Variants in GRAMD1B observed in about 807,000 individuals in gnomAD.
GRAMD1B encodes the protein protein Aster-B.
In GRAMD1B, 37 loss-of-function variants were observed where a neutral mutation model predicts 99.7. That is an observed-to-expected ratio of 0.37 (90% confidence interval 0.29 to 0.49). GRAMD1B has a LOEUF of 0.49. GRAMD1B is among the 20% of genes least tolerant of loss of function. The probability of loss-of-function intolerance (pLI) is 0.98; values close to 1 mark genes in which losing one functional copy is unlikely to be tolerated. For missense variants in GRAMD1B, 888 were observed against 1,009.2 expected (o/e 0.88, Z 1.63); for synonymous variants, 427 against 387.6 (o/e 1.10, Z -1.19).
intron 1 of GRAMD1B, among the ~76,000 whole-genome samples, chr11:123,414,120 C>G (rs1441430703): frequency 6.6e-6 from 1 of 151,674 alleles, no homozygotes; most frequent in Non-Finnish European, 1.5e-5. Flanking sequence ...TCTTGGCTCA[C>G]TGCAACCTCC....
chr11:123,568,617 A>G (rs1947682313), intron 2 of GRAMD1B, among the ~76,000 whole-genome samples: 1 of 152,224 alleles, frequency 6.6e-6, no homozygotes, highest in Non-Finnish European at 1.5e-5. Flanking sequence ...TGTGACAGGG[A>G]AGAAAGGCGT....
rs1468067539 is a variant in GRAMD1B, at chr11:123,610,454, A to G, written c.1919+116A>G. On this transcript the variant is annotated intron_variant, in intron 14 of 19. Transcript: ENST00000635736. This position sits in a 1 kb window ranked among gnomAD's most constrained non-coding sequence, Gnocchi z 4.1. ...GAGTGCTTGGCTGCTGACTCTCTTT[A>G]TTCTACTTTCTCTCCGAAGCCTTAT... 1.0e-6 allele frequency: 1 copy of G among 991,372 alleles called. No individual in the cohort carries two copies. The highest frequency in any genetic ancestry group is 1.6e-6 in the Non-Finnish European group (1 of 641,664). 61.4% of individuals were successfully genotyped at this position (991,372 alleles called of 1,614,324 possible). A position where few individuals can be genotyped will look rare whatever the true frequency, so the allele number is the denominator to read the frequency against.
At chr11:123,369,465 T>C (rs11219122) in intron 1 of GRAMD1B, among the ~76,000 whole-genome samples, 71,998 of 151,838 alleles carry the variant, frequency 0.47, 21,041 homozygotes, top group African/African-American at 0.84. Flanking sequence ...ACAAAGGAAA[T>C]GGAGGGATTA....
Position 123,614,752 on chromosome 11 carries a change from A to C in GRAMD1B, c.2235A>C (p.Thr745=), listed in dbSNP as rs1328425764. 6.2e-7 allele frequency: 1 copy of C among 1,608,560 alleles called. No homozygotes were observed. The highest frequency in any genetic ancestry group is 8.5e-7 in the Non-Finnish European group (1 of 1,175,116). Residue 745 remains threonine, a synonymous_variant, in exon 17 of 20, where the codon ACA becomes ACC. Coordinates refer to ENST00000635736, the MANE Select transcript of GRAMD1B (RefSeq NM_001387025.1). ...GHRIKHVAGS[T]QTRHIPEDTP... is the part of the protein sequence containing the mutation. ...CTTTAATTCTCCCCACAGGTTCCAC[A>C]CAGACGCGGCATATCCCGGAGGACA...
chr11:123,405,380 G>T (rs905919926), intron 1 of GRAMD1B, among the ~76,000 whole-genome samples: 1 of 152,170 alleles, frequency 6.6e-6, no homozygotes, highest in Non-Finnish European at 1.5e-5. Context: ...CCCCTCGAAG[G>T]CTCCCAGGGT....
intron 14 of GRAMD1B, among the ~76,000 whole-genome samples, chr11:123,611,951 G>T (rs755923342): frequency 7.2e-5 from 11 of 152,212 alleles, no homozygotes; most frequent in Non-Finnish European, 1.3e-4. Flanking sequence ...GCATAGGAGA[G>T]AAAAGAGCTG....
rs1342411992 is a variant in GRAMD1B, at chr11:123,610,669, T to C, written c.1919+331T>C. On this transcript the variant is annotated intron_variant, in intron 14 of 19. Transcript: ENST00000635736. This position sits in a 1 kb window ranked among gnomAD's most constrained non-coding sequence, Gnocchi z 4.1. ...GGTGGATTTATCTTCATTTTTCAGATAAAACTGAGTCTCATATGAGTTCAG... is the reference window on the plus strand; with the variant it reads ...GGTGGATTTATCTTCATTTTTCAGACAAAACTGAGTCTCATATGAGTTCAG... Among the ~76,000 whole-genome samples, 1 of 152,222 alleles carries C rather than the reference T, an allele frequency of 6.6e-6. No homozygotes were observed. The highest frequency in any genetic ancestry group is 2.4e-5 in the African/African-American group (1 of 41,448).
chr11:123,613,717 C>A, intron 16 of GRAMD1B, 59 bp downstream of exon 16: 1 of 1,190,668 alleles, frequency 8.4e-7, no homozygotes, highest in Non-Finnish European at 1.2e-6. Flanking sequence ...GCTGCATGCC[C>A]ACACCAAGGC....
At chr11:123,614,005 T>A (rs1028860999) in intron 16 of GRAMD1B, among the ~76,000 whole-genome samples, 1 of 152,082 alleles carries the variant, frequency 6.6e-6, no homozygotes, top group African/African-American at 2.4e-5. Flanking sequence ...ACCACAGAGA[T>A]TACCTCATTA....
At chr11:123,606,048 G>T (rs1052650838) in intron 10 of GRAMD1B, among the ~76,000 whole-genome samples, 8 of 152,098 alleles carry the variant, frequency 5.3e-5, no homozygotes, top group Admixed American at 3.9e-4. Context: ...GAACAGGTAG[G>T]GTTCTTCAGG....
intron 2 of GRAMD1B, among the ~76,000 whole-genome samples, chr11:123,542,164 A>G (rs1267373335): frequency 1.3e-5 from 2 of 152,228 alleles, no homozygotes; most frequent in Non-Finnish European, 2.9e-5. Context: ...TGAGATATAG[A>G]GCAATCTATA....
At chr11:123,456,841 A>G (rs1950143735) in intron 1 of GRAMD1B, among the ~76,000 whole-genome samples, 1 of 150,024 alleles carries the variant, frequency 6.7e-6, no homozygotes, top group Non-Finnish European at 1.5e-5. Flanking sequence ...AATCACTTGA[A>G]CCTGGGAGGC....
chr11:123,562,631 A>G (rs1349470779), intron 2 of GRAMD1B, among the ~76,000 whole-genome samples: 1 of 152,246 alleles, frequency 6.6e-6, no homozygotes, highest in Non-Finnish European at 1.5e-5. Flanking sequence ...TTGCGTCCAG[A>G]TAACAGACTC....
At chr11:123,425,477 G>C (rs1490255700), upstream of GRAMD1B, among the ~76,000 whole-genome samples, 1 of 152,160 alleles carries the variant, frequency 6.6e-6, no homozygotes, top group Admixed American at 6.5e-5. Flanking sequence ...CAAATATTGT[G>C]CAAAACATTC....
chr11:123,471,807 T>C (rs1951028634), intron 1 of GRAMD1B, among the ~76,000 whole-genome samples: 1 of 152,174 alleles, frequency 6.6e-6, no homozygotes, highest in Non-Finnish European at 1.5e-5. Context: ...TTAAGCTTTT[T>C]AAAAATACGT....
At chr11:123,615,458 AGGC>A (rs1322467246) in intron 17 of GRAMD1B, among the ~76,000 whole-genome samples, 5 of 152,190 alleles carry the variant, frequency 3.3e-5, no homozygotes, top group Non-Finnish European at 7.4e-5. Context: ...AGGCCGAGGC[AGGC>A]GGATCATGAG....
intron 17 of GRAMD1B, among the ~76,000 whole-genome samples, chr11:123,616,704 C>T (rs1954444864): frequency 6.6e-6 from 1 of 152,226 alleles, no homozygotes; most frequent in African/African-American, 2.4e-5. Flanking sequence ...CCCCCACATG[C>T]CTGCTGCAGT....
intron 1 of GRAMD1B, among the ~76,000 whole-genome samples, chr11:123,450,701 T>C (rs2134361244): frequency 6.6e-6 from 1 of 152,336 alleles, no homozygotes; most frequent in African/African-American, 2.4e-5. Context: ...GCTGACTCTC[T>C]TCCCACTGAT....
chr11:123,464,019 G>C (rs1333120476), intron 1 of GRAMD1B, among the ~76,000 whole-genome samples: 1 of 152,054 alleles, frequency 6.6e-6, no homozygotes, highest in Non-Finnish European at 1.5e-5. Context: ...AGCTGTTTTA[G>C]AAGATAACAG....
Sources: allele counts gnomAD v4.1 joint callset (sites outside exome capture counted in the v4.1 genomes callset), GRCh38; gene constraint gnomAD v4.1.1; non-coding constraint Gnocchi (gnomAD v3.1); transcripts MANE v1.5; gene names NCBI Gene and HGNC (gene_info 2026-07-23, HGNC 2026-07-21).